GREM2: variants seen among roughly 807,000 people sequenced by gnomAD.
The protein encoded by GREM2 is gremlin-2.
Under a neutral mutation model 14.2 loss-of-function variants are expected in GREM2, and 11 were observed. The observed-to-expected ratio is 0.78, with a 90% CI of 0.49 to 1.28. The LOEUF is 1.28. Among genes scored for constraint, GREM2 ranks in the 50% most tolerant of loss-of-function variants. GREM2 has a pLI of 0.00. For synonymous variants in GREM2, 98 were observed against 97.6 expected (o/e 1.00, Z -0.02); for missense variants, 210 against 218.5 (o/e 0.96, Z 0.24).
intron 1 of GREM2, among the ~76,000 whole-genome samples, chr1:240,571,137 TA>T (rs34315770): frequency 1.3e-5 from 2 of 152,188 alleles, no homozygotes; most frequent in Non-Finnish European, 2.9e-5. Context: ...CTACTTCATG[TA>T]AAAAAACTTC....
intron 1 of GREM2, among the ~76,000 whole-genome samples, chr1:240,552,935 T>A (rs1678882998): frequency 6.9e-6 from 1 of 144,202 alleles, no homozygotes; most frequent in Non-Finnish European, 1.5e-5. Context: ...AGGCTCTTAA[T>A]CTCATTTTAA....
chr1:240,578,096 C>T (rs2103373335), intron 1 of GREM2, among the ~76,000 whole-genome samples: 1 of 152,176 alleles, frequency 6.6e-6, no homozygotes, highest in South Asian at 2.1e-4. Flanking sequence ...TTGTTTTCCA[C>T]CATTCTACTC....
At chr1:240,511,706 T>C (rs1363493479) in intron 1 of GREM2, among the ~76,000 whole-genome samples, 2 of 152,100 alleles carry the variant, frequency 1.3e-5, no homozygotes, top group African/African-American at 2.4e-5. Context: ...TAAGCCGAGA[T>C]TGTGACACTG....
chr1:240,556,874 A>G (rs1425614327), intron 1 of GREM2, among the ~76,000 whole-genome samples: 1 of 152,188 alleles, frequency 6.6e-6, no homozygotes, highest in Non-Finnish European at 1.5e-5. Flanking sequence ...TATCTGATTA[A>G]AAGAATCATG....
chr1:240,511,871 T>C (rs918604646), intron 1 of GREM2, among the ~76,000 whole-genome samples: 19 of 152,156 alleles, frequency 1.2e-4, no homozygotes, highest in Non-Finnish European at 1.8e-4. Flanking sequence ...AAATCAAGTG[T>C]CTGTGGTCCA....
chr1:240,520,912 CAA>C (rs200953017), intron 1 of GREM2, among the ~76,000 whole-genome samples: 85 of 88,974 alleles, frequency 9.6e-4, no homozygotes, highest in Non-Finnish European at 1.1e-3. Flanking sequence ...TCTTCATGGG[CAA>C]AAAAAAAAAA....
intron 1 of GREM2, among the ~76,000 whole-genome samples, chr1:240,592,503 C>T (rs1480536885): frequency 2.0e-5 from 3 of 152,146 alleles, no homozygotes; most frequent in Non-Finnish European, 4.4e-5. Context: ...TATCCTCTGA[C>T]AAATAAGGTT....
At chr1:240,504,087 G>A (rs554739748) in intron 1 of GREM2, among the ~76,000 whole-genome samples, 2 of 152,252 alleles carry the variant, frequency 1.3e-5, no homozygotes, top group East Asian at 3.9e-4. Flanking sequence ...CTCAATAGGA[G>A]TGACACTTTC....
chr1:240,498,449 A>G (rs116294308), intron 1 of GREM2, among the ~76,000 whole-genome samples: 4,540 of 152,298 alleles, frequency 0.03, 201 homozygotes, highest in African/African-American at 0.1. Context: ...GTGTTCGGCC[A>G]TGGTGACCCA....
chr1:240,606,696 G>A (rs1209955842), intron 1 of GREM2, among the ~76,000 whole-genome samples: 4 of 54,878 alleles, frequency 7.3e-5, no homozygotes, highest in African/African-American at 2.3e-4. Context: ...TTTTTTTTTT[G>A]AGGTGGAGTT....
chr1:240,520,311 T>C (rs184462368), intron 1 of GREM2, among the ~76,000 whole-genome samples: 9 of 152,156 alleles, frequency 5.9e-5, no homozygotes, highest in African/African-American at 2.2e-4. Flanking sequence ...AACTAGTCCA[T>C]TCTCTTTCAA....
intron 1 of GREM2, among the ~76,000 whole-genome samples, chr1:240,591,694 C>T (rs1679719489): frequency 6.6e-6 from 1 of 152,060 alleles, no homozygotes; most frequent in Non-Finnish European, 1.5e-5. Flanking sequence ...TTGGGTTGCC[C>T]AAGACCTGGT....
At chr1:240,510,236 G>A (rs551891031) in intron 1 of GREM2, among the ~76,000 whole-genome samples, 32 of 151,830 alleles carry the variant, frequency 2.1e-4, no homozygotes, top group East Asian at 5.8e-4. Flanking sequence ...CGGGCGTGGT[G>A]GCGGGCGCCT....
At chr1:240,550,983 A>T (rs1046430384) in intron 1 of GREM2, among the ~76,000 whole-genome samples, 1 of 152,232 alleles carries the variant, frequency 6.6e-6, no homozygotes, top group African/African-American at 2.4e-5. Flanking sequence ...AATAATTTTG[A>T]AAAAAGAATC....
chr1:240,502,801 A>G (rs984806786), intron 1 of GREM2, among the ~76,000 whole-genome samples: 3 of 152,228 alleles, frequency 2.0e-5, no homozygotes, highest in East Asian at 1.9e-4. Context: ...TAATTTGTTC[A>G]GGTATTGAAT....
At chr1:240,504,600 C>G (rs771719984) in intron 1 of GREM2, among the ~76,000 whole-genome samples, 4 of 151,876 alleles carry the variant, frequency 2.6e-5, no homozygotes, top group Non-Finnish European at 5.9e-5. Context: ...GCCTAAAGTA[C>G]AAAAAAAGGC....
chr1:240,607,767 T>C (rs1475892927), intron 1 of GREM2, among the ~76,000 whole-genome samples: 1 of 152,198 alleles, frequency 6.6e-6, no homozygotes, highest in Non-Finnish European at 1.5e-5. Context: ...ACTAAATCAA[T>C]CAATATTCCA....
At chr1:240,594,176 A>C (rs537902042) in intron 1 of GREM2, among the ~76,000 whole-genome samples, 1 of 152,092 alleles carries the variant, frequency 6.6e-6, no homozygotes, top group Admixed American at 6.5e-5. Flanking sequence ...CTGGTCTTGA[A>C]CTACTGGGCT....
At chr1:240,541,706 T>G (rs939283934) in intron 1 of GREM2, among the ~76,000 whole-genome samples, 4 of 152,284 alleles carry the variant, frequency 2.6e-5, no homozygotes, top group African/African-American at 9.6e-5. Flanking sequence ...TTTTTTGAAG[T>G]AAGTATACTG....
Sources: gnomAD v4.1 joint callset for allele counts (sites outside exome capture counted in the v4.1 genomes callset) on GRCh38, gnomAD v4.1.1 for gene constraint, MANE v1.5 for transcripts, NCBI Gene and HGNC (gene_info 2026-07-23, HGNC 2026-07-21) for gene names.